Variants in CRMP1 observed in about 807,000 individuals in gnomAD.
CRMP1 encodes dihydropyrimidinase-related protein 1.
In CRMP1, 19 loss-of-function variants were observed where a neutral mutation model predicts 68.3. The observed-to-expected ratio is 0.28, with a 90% CI of 0.19 to 0.41. CRMP1 has a LOEUF of 0.41. Ranked by LOEUF, CRMP1 falls within the 10% of genes least tolerant of loss-of-function variation. CRMP1 has a pLI of 1.00. For missense variants in CRMP1, 791 were observed against 967.4 expected (o/e 0.82, Z 2.42); for synonymous variants, 439 against 399.6 (o/e 1.10, Z -1.18).
intron 10 of CRMP1, 42 bp from the exon 11 acceptor site, chr4:5,836,127 G>C: frequency 7.2e-7 from 1 of 1,394,050 alleles, no homozygotes; most frequent in Non-Finnish European, 9.4e-7. Flanking sequence ...TCTCATAATG[G>C]GGCCAGGAGG....
At chr4:5,822,014 A>G (rs934658974) in intron 13 of CRMP1, among the ~76,000 whole-genome samples, 163 bp from the exon 14 acceptor site, 5 of 125,960 alleles carry the variant, frequency 4.0e-5, no homozygotes, top group Non-Finnish European at 8.3e-5. Flanking sequence ...CACAGAGTCC[A>G]CTGCTCCCTC....
At chr4:5,851,862 CAGGAGGAGGAAGAGGAAGAGGAAG>C (rs1712664615) in intron 4 of CRMP1, among the ~76,000 whole-genome samples, 1 of 120,130 alleles carries the variant, frequency 8.3e-6, no homozygotes, top group Non-Finnish European at 1.7e-5. Flanking sequence ...GGAAGAGGAG[CAGGAGGAGGAAGAGGAAGAGGAAG>C]AGGAGGAGGA....
At chr4:5,829,740 A>G (rs1720219643) in intron 11 of CRMP1, among the ~76,000 whole-genome samples, 1 of 152,220 alleles carries the variant, frequency 6.6e-6, no homozygotes, top group African/African-American at 2.4e-5. Flanking sequence ...ATACTTTTAC[A>G]CTGCTACATT....
In CRMP1 at chr4:5,891,845, C is replaced by G. The variant is rs1715965221; in HGVS notation, c.381+744G>C. Reference sequence around the variant, plus strand: ...CCTAGCGTTCCCTCTCCCTGATCCTCCCGGCCCCATGCTCAGGTCCGGGAG... The same window carrying G: ...CCTAGCGTTCCCTCTCCCTGATCCTGCCGGCCCCATGCTCAGGTCCGGGAG... On this transcript the variant is annotated intron_variant, in intron 1 of 13. Transcript: ENST00000324989. This position sits in a 1 kb window ranked among gnomAD's most constrained non-coding sequence, Gnocchi z 5.2. 6.6e-6 allele frequency among the ~76,000 whole-genome samples: 1 copy of G among 152,222 alleles called. No homozygotes were observed. The highest frequency in any genetic ancestry group is 6.5e-5 in the Admixed American group (1 of 15,290).
chr4:5,888,656 G>T lies in CRMP1; in HGVS notation c.381+3933C>A, dbSNP rs1299604933. ...CGCCCCCCACCCGCCCAGCCCCGCC[G>T]ACCCCCGCCCTGCGCACACGCCCTT... On this transcript the variant is annotated intron_variant, in intron 1 of 13. Transcript: ENST00000324989. The surrounding 1 kb of genome is among the most constrained non-coding windows in gnomAD (Gnocchi z 6.4). 3 of 842,838 alleles carry T rather than the reference G, an allele frequency of 3.6e-6. No homozygotes were observed. The highest frequency in any genetic ancestry group is 5.8e-5 in the South Asian group (1 of 17,096). The allele number at this position is 842,838 out of a possible 1,614,324, so 52.2% of individuals were successfully genotyped here. A position where few individuals can be genotyped will look rare whatever the true frequency, so the allele number is the denominator to read the frequency against.
At chr4:5,837,597 C>A (rs1720802327) in intron 9 of CRMP1, among the ~76,000 whole-genome samples, 2 of 148,328 alleles carry the variant, frequency 1.3e-5, no homozygotes, top group Non-Finnish European at 3.0e-5. Context: ...CATTGCACTC[C>A]AGCCTGGGCG....
In CRMP1 at chr4:5,841,198, C is replaced by G; in HGVS notation, c.1153+110G>C. ...TGTCAGGAGCATCCCCGCTCCACCC[C>G]TCCCTCCTCCGGCTGCCTGTCTGAG... On this transcript the variant is annotated intron_variant, in intron 8 of 13. Transcript: ENST00000324989. The surrounding 1 kb of genome is among the most constrained non-coding windows in gnomAD (Gnocchi z 6.9). The G allele has an allele frequency of 1.3e-6, 2 of 1,559,372 alleles. No homozygotes were observed. Among genetic ancestry groups the G allele is most frequent in the Non-Finnish European group, 8.8e-7 (1 of 1,136,792 alleles).
intron 1 of CRMP1, among the ~76,000 whole-genome samples, chr4:5,868,261 C>CTATATCTATATATATATA (rs1553907487): frequency 9.0e-6 from 1 of 111,470 alleles, no homozygotes; most frequent in Non-Finnish European, 1.8e-5. Context: ...GACTATATAT[C>CTATATCTATATATATATA]TATATATATA....
chr4:5,830,478 T>G (rs991050871), intron 11 of CRMP1, among the ~76,000 whole-genome samples: 1 of 152,248 alleles, frequency 6.6e-6, no homozygotes, highest in African/African-American at 2.4e-5. Flanking sequence ...AGTCCTTTCA[T>G]AGCTTTATTT....
intron 3 of CRMP1, among the ~76,000 whole-genome samples, chr4:5,857,008 T>TCACCATCACCAC (rs1713155316): frequency 3.9e-4 from 1 of 2,550 alleles, no homozygotes; most frequent in Non-Finnish European, 9.2e-4. Flanking sequence ...TCCACTATCA[T>TCACCATCACCAC]CACCACCATC....
rs1395296498 is a variant in CRMP1 at position 5,851,405 on chromosome 4, T to C, written c.882+3A>G. ...GAGGAGAGAGTGAGTGTGAGGGACC[T>C]ACCTGGCTGTCGGACATTTGGTAGA... On this transcript the variant is annotated splice_donor_region_variant and intron_variant, in intron 5 of 13. Transcript: ENST00000324989. 1.9e-6 allele frequency: 3 copies of C among 1,614,060 alleles called. No homozygotes were observed. Among genetic ancestry groups the C allele is most frequent in the East Asian group, 2.2e-5 (1 of 44,880 alleles).
In CRMP1 at chr4:5,889,513, G is replaced by GT; in HGVS notation, c.381+3075dup. 6.6e-7 allele frequency: 1 copy of GT among 1,504,042 alleles called. No homozygotes were observed. Among genetic ancestry groups the GT allele is most frequent in the Non-Finnish European group, 8.9e-7 (1 of 1,118,704 alleles). 93.2% of individuals were successfully genotyped at this position (1,504,042 alleles called of 1,614,324 possible). ...GCCAGGTCACAGCTTGACAAGGTCC[G>GT]TAACAGCAGAGGGGAAAAGATGAAA... On this transcript the variant is annotated intron_variant, in intron 1 of 13. Transcript: ENST00000324989. The surrounding 1 kb of genome is among the most constrained non-coding windows in gnomAD (Gnocchi z 4.5).
chr4:5,887,458 C>T (rs1715669752), intron 1 of CRMP1: 3 of 985,426 alleles, frequency 3.0e-6, no homozygotes, highest in South Asian at 9.4e-5. Context: ...GGAACTGGGG[C>T]GGAGGGCCAG....
At position 5,843,275 on chromosome 4, in the gene CRMP1, G is replaced by T; in HGVS notation, c.964-114C>A. On this transcript the variant is annotated intron_variant, in intron 6 of 13. Coordinates refer to ENST00000324989, the MANE Select transcript of CRMP1 (RefSeq NM_001014809.3). The surrounding 1 kb of genome is among the most constrained non-coding windows in gnomAD (Gnocchi z 4.1). ...GCAGCTGGGTCCCAAAGAGGCGAGT[G>T]GCTTGCACTAGGTTAACAGTGTGCG... 1.0e-6 allele frequency: 1 copy of T among 994,738 alleles called. No individual in the cohort carries two copies. Among genetic ancestry groups the T allele is most frequent in the East Asian group, 2.5e-5 (1 of 40,530 alleles). The allele number at this position is 994,738 out of a possible 1,614,324, so 61.6% of individuals were successfully genotyped here.
intron 1 of CRMP1, among the ~76,000 whole-genome samples, chr4:5,878,030 G>T (rs1714964064): frequency 6.6e-6 from 1 of 152,188 alleles, no homozygotes; most frequent in African/African-American, 2.4e-5. Context: ...CTTAAGAAGT[G>T]CACATTCCTT....
Position 5,861,229 on chromosome 4 carries a change from G to C in CRMP1, c.471-19C>G, listed in dbSNP as rs13130023. The C allele has an allele frequency of 7.5e-6, 12 of 1,608,708 alleles. No individual in the cohort carries two copies. The highest frequency in any genetic ancestry group is 9.3e-6 in the Non-Finnish European group (11 of 1,177,108). On this transcript the variant is annotated intron_variant, in intron 2 of 13. Coordinates refer to ENST00000324989, the MANE Select transcript of CRMP1 (RefSeq NM_001014809.3). The surrounding 1 kb of genome is among the most constrained non-coding windows in gnomAD (Gnocchi z 6.0). ...TATTTGTCTGGAGGCAAACAACAGA[G>C]ACAGCCTTGGTTCTTAAAGGAAAAG...
At chr4:5,846,269 G>A (rs1712189827) in intron 6 of CRMP1, among the ~76,000 whole-genome samples, 1 of 152,162 alleles carries the variant, frequency 6.6e-6, no homozygotes, top group Non-Finnish European at 1.5e-5. Flanking sequence ...GTACTCCAGT[G>A]TGGATGACAG....
chr4:5,841,680 C>A lies in CRMP1; in HGVS notation c.1033-252G>T, dbSNP rs1711739533. Among the ~76,000 whole-genome samples, 1 of 152,170 alleles carries A rather than the reference C, an allele frequency of 6.6e-6. No individual in the cohort carries two copies. Among genetic ancestry groups the A allele is most frequent in the Non-Finnish European group, 1.5e-5 (1 of 68,026 alleles). The stretch of plus-strand genomic sequence containing the variant: ...CACTGCCTCCCAGTTCTGTCCTGAC[C>A]TCACCATGGGCCAGGAACATACAGC... On this transcript the variant is annotated intron_variant, in intron 7 of 13. Transcript: ENST00000324989. The surrounding 1 kb of genome is among the most constrained non-coding windows in gnomAD (Gnocchi z 6.9).
chr4:5,851,345 A>G, intron 5 of CRMP1, 63 bp downstream of exon 5: 1 of 1,457,858 alleles, frequency 6.9e-7, no homozygotes, highest in Non-Finnish European at 9.6e-7. Context: ...TGCTGCCTGG[A>G]CTGGCAAAGC....
Sources: allele counts gnomAD v4.1 joint callset (sites outside exome capture counted in the v4.1 genomes callset), GRCh38; gene constraint gnomAD v4.1.1; non-coding constraint Gnocchi (gnomAD v3.1); transcripts MANE v1.5; gene names NCBI Gene and HGNC (gene_info 2026-07-23, HGNC 2026-07-21).